Variants in RBM41 observed in about 807,000 individuals in gnomAD.
The protein encoded by RBM41 is RNA binding motif protein 41.
Under a neutral mutation model 30.8 loss-of-function variants are expected in RBM41, and 14 were observed. That is an observed-to-expected ratio of 0.45 (90% CI 0.30 to 0.71). RBM41 has a LOEUF of 0.71. Among genes scored for constraint, RBM41 ranks in the 30% least tolerant of loss-of-function variants. The probability of loss-of-function intolerance (pLI) is 0.08; values close to 1 mark genes in which losing one functional copy is unlikely to be tolerated. For synonymous variants in RBM41, 120 were observed against 110.1 expected, an observed-to-expected ratio of 1.09 and a Z score of -0.56; for missense variants, 276 against 326.3, an observed-to-expected ratio of 0.85 and a Z score of 1.19.
At chrX:107,082,349 T>G (rs1033228827) in intron 6 of RBM41, among the ~76,000 whole-genome samples, 3 of 112,086 alleles carry the variant, frequency 2.7e-5, no homozygotes, top group Non-Finnish European at 5.7e-5. Flanking sequence ...GGTGGATATC[T>G]GGAATAAATC....
At chrX:107,103,161 G>A (rs1923607996) in intron 5 of RBM41, among the ~76,000 whole-genome samples, 1 of 111,049 alleles carries the variant, frequency 9.0e-6, no homozygotes, top group Non-Finnish European at 1.9e-5. Flanking sequence ...TGAATTTTTG[G>A]CACCAGAGGG....
chrX:107,085,370 G>A (rs1389525429), intron 6 of RBM41, among the ~76,000 whole-genome samples: 1 of 107,621 alleles, frequency 9.3e-6, no homozygotes, highest in Non-Finnish European at 1.9e-5. Context: ...GGGTTCAAGA[G>A]ATTCTCATGC....
chrX:107,059,238 T>G (rs1935608077), downstream of RBM41, among the ~76,000 whole-genome samples: 1 of 110,647 alleles, frequency 9.0e-6, no homozygotes, highest in Non-Finnish European at 1.9e-5. Flanking sequence ...GATTTTAACA[T>G]ATTAATTTTG....
downstream of RBM41, among the ~76,000 whole-genome samples, chrX:107,058,799 AC>A (rs1287037704): frequency 1.8e-5 from 2 of 111,426 alleles, no homozygotes; most frequent in Admixed American, 1.9e-4. Context: ...AGATCAGGGT[AC>A]CCTCATGGTC....
At position 107,077,573 on chromosome X, in the gene RBM41, A is replaced by AACACACACACACACAC. The variant is rs35841168; in HGVS notation, c.1000-8187_1000-8172dup. 6.8e-3 allele frequency among the ~76,000 whole-genome samples: 631 copies of AACACACACACACACAC among 92,664 alleles called. 10 individuals carry two copies. The highest frequency in any genetic ancestry group is 0.022 in the African/African-American group (517 of 23,553). 80.5% of individuals were successfully genotyped at this position (92,664 alleles called of 115,157 possible). ...GTATGAATGTATCCACAACATACATAACACACACACACACACACACACACA... is the reference window on the plus strand; with the variant it reads ...GTATGAATGTATCCACAACATACATAACACACACACACACACACACACACACACACACACACACACA... On this transcript the variant is annotated intron_variant, in intron 6 of 7. Coordinates refer to ENST00000685964, the MANE Select transcript of RBM41 (RefSeq NM_001324242.2).
chrX:107,106,848 A>G (rs1289973678), intron 5 of RBM41, among the ~76,000 whole-genome samples: 9 of 94,573 alleles, frequency 9.5e-5, no homozygotes, highest in Admixed American at 2.5e-4. Flanking sequence ...GAAGGGGAAC[A>G]TCATACACCG....
rs753596764 is a variant in RBM41 at position 107,116,067 on chromosome X, CAGG to C, written c.126-16_126-14del. 1.8e-6 allele frequency: 2 copies of C among 1,140,424 alleles called. No individual in the cohort carries two copies. The highest frequency in any genetic ancestry group is 3.6e-5 in the African/African-American group (2 of 55,639). The allele number at this position is 1,140,424 out of a possible 1,213,427, so 94.0% of individuals were successfully genotyped here. The stretch of plus-strand genomic sequence containing the variant: ...CTTAGACATACATCTGCAAAACATG[CAGG>C]AGGAGAGTAAGAACATCTTGAGGTT... On this transcript the variant is annotated splice_polypyrimidine_tract_variant and intron_variant, in intron 2 of 7. Transcript: ENST00000685964.
At chrX:107,085,250 T>C (rs1049229955) in intron 6 of RBM41, among the ~76,000 whole-genome samples, 2 of 85,859 alleles carry the variant, frequency 2.3e-5, no homozygotes, top group African/African-American at 1.2e-4. Flanking sequence ...TTTTTCTTTT[T>C]TTTCTTTTTC....
chrX:107,092,307 T>C (rs1454178270), intron 5 of RBM41, among the ~76,000 whole-genome samples: 5 of 108,181 alleles, frequency 4.6e-5, no homozygotes, highest in African/African-American at 1.7e-4. Flanking sequence ...AGATATTTGC[T>C]ACACAAAGAA....
chrX:107,117,786 T>A (rs1006162041), intron 1 of RBM41, among the ~76,000 whole-genome samples: 40 of 111,812 alleles, frequency 3.6e-4, no homozygotes, highest in African/African-American at 1.3e-3. Flanking sequence ...CGGATAGTGG[T>A]CACCTCAGGG....
intron 7 of RBM41, 151 bp from the exon 8 acceptor site, chrX:107,067,844 T>C: frequency 1.5e-6 from 1 of 678,901 alleles, no homozygotes. Context: ...TAATCTCCCA[T>C]TTGCATTATT....
chrX:107,069,247 C>G lies in RBM41; in HGVS notation c.1147+8G>C. 2.5e-6 allele frequency: 3 copies of G among 1,195,655 alleles called. No individual in the cohort carries two copies. The highest frequency in any genetic ancestry group is 3.4e-6 in the Non-Finnish European group (3 of 886,273). On this transcript the variant is annotated splice_region_variant and intron_variant, in intron 7 of 7. Coordinates refer to ENST00000685964, the MANE Select transcript of RBM41 (RefSeq NM_001324242.2). ...CAACTGAGTAATCATCTGGATGAAACTACTTACTGGGAAAGGTGATAAAAG... is the reference window on the plus strand; with the variant it reads ...CAACTGAGTAATCATCTGGATGAAAGTACTTACTGGGAAAGGTGATAAAAG...
rs1429866385 is a variant in RBM41, at chrX:107,065,602, A to T, written c.*1925T>A. Reference sequence around the variant, plus strand: ...CTTAATATAATTTTACATCTTTAAAAGAAGCTGAGAGAAGAGTAAGTATAT... The same window carrying T: ...CTTAATATAATTTTACATCTTTAAATGAAGCTGAGAGAAGAGTAAGTATAT... On this transcript the variant is annotated 3_prime_UTR_variant, in exon 8 of 8. Transcript: ENST00000685964. 1.9e-5 allele frequency: 8 copies of T among 431,057 alleles called. No homozygotes were observed. In the East Asian group the frequency reaches 3.6e-4, roughly 19 times the overall value. The allele number at this position is 431,057 out of a possible 1,213,427, so 35.5% of individuals were successfully genotyped here. A position where few individuals can be genotyped will look rare whatever the true frequency, so the allele number is the denominator to read the frequency against.
Position 107,066,558 on chromosome X carries a change from T to A in RBM41, c.*969A>T, listed in dbSNP as rs1363827188. On this transcript the variant is annotated 3_prime_UTR_variant, in exon 8 of 8. Coordinates refer to ENST00000685964, the MANE Select transcript of RBM41 (RefSeq NM_001324242.2). ...CAACCCAGTGAGGTAAGTAGCATTA[T>A]TATCCTCACTTTATAGATGAAAAAT... 1 of 210,508 alleles carries A rather than the reference T, an allele frequency of 4.8e-6. No homozygotes were observed. Among genetic ancestry groups the A allele is most frequent in the African/African-American group, 3.1e-5 (1 of 32,293 alleles). 17.3% of individuals were successfully genotyped at this position (210,508 alleles called of 1,213,427 possible).
chrX:107,084,924 A>G (rs1374259998), intron 6 of RBM41, among the ~76,000 whole-genome samples: 1 of 112,084 alleles, frequency 8.9e-6, no homozygotes, highest in Non-Finnish European at 1.9e-5. Flanking sequence ...TTTTTGTTCA[A>G]AATTATGTTT....
At chrX:107,075,789 A>G (rs772985564) in intron 6 of RBM41, among the ~76,000 whole-genome samples, 1 of 112,196 alleles carries the variant, frequency 8.9e-6, no homozygotes, top group East Asian at 2.8e-4. Context: ...ATGGGAATGT[A>G]AAGTGGTACA....
At chrX:107,058,218 G>T (rs1485866348), downstream of RBM41, among the ~76,000 whole-genome samples, 1 of 105,573 alleles carries the variant, frequency 9.5e-6, no homozygotes, top group African/African-American at 3.5e-5. Context: ...ACTTGAACCT[G>T]GGAGGCGGAG....
intron 6 of RBM41, 129 bp downstream of exon 6, chrX:107,088,307 A>C: frequency 1.5e-6 from 1 of 666,453 alleles, no homozygotes; most frequent in Non-Finnish European, 2.3e-6. Flanking sequence ...AAGGTCAAGG[A>C]CAAACACAAT....
Position 107,099,375 on chromosome X carries a change from TAAAGTTATTTATCTGCTGACTTC to T in RBM41, c.596-10559_596-10537del, listed in dbSNP as rs1488842611. On this transcript the variant is annotated intron_variant, in intron 5 of 7. Coordinates refer to ENST00000685964, the MANE Select transcript of RBM41 (RefSeq NM_001324242.2). ...GTTCACCCATTGGTTATTTTGTCTTTAAAGTTATTTATCTGCTGACTTCAAGATTCACAAGCTATTGTTTTGAT... is the reference window on the plus strand; with the variant it reads ...GTTCACCCATTGGTTATTTTGTCTTTAAGATTCACAAGCTATTGTTTTGAT... 1.3e-4 allele frequency among the ~76,000 whole-genome samples: 14 copies of T among 111,942 alleles called. 1 individual carries two copies. The highest frequency in any genetic ancestry group is 9.5e-4 in the Admixed American group (10 of 10,562).
Sources: gnomAD v4.1 joint callset for allele counts (sites outside exome capture counted in the v4.1 genomes callset) on GRCh38, gnomAD v4.1.1 for gene constraint, MANE v1.5 for transcripts, NCBI Gene and HGNC (gene_info 2026-07-23, HGNC 2026-07-21) for gene names.